The following PCDHGB3 variants were observed in gnomAD, a reference collection of about 807,000 sequenced individuals.
PCDHGB3 encodes protocadherin gamma-B3.
PCDHGB3 carries 40 observed loss-of-function variants against 59.2 expected under a neutral mutation model. The observed-to-expected ratio is 0.68, with a 90% CI of 0.52 to 0.88. PCDHGB3 has a LOEUF of 0.88. Among genes scored for constraint, PCDHGB3 ranks in the 40% least tolerant of loss-of-function variants. The probability of loss-of-function intolerance (pLI) is 0.00; values close to 1 mark genes in which losing one functional copy is unlikely to be tolerated. For synonymous variants in PCDHGB3, 581 were observed against 503.6 expected (o/e 1.15, Z -2.06); for missense variants, 1,309 against 1,187.9 (o/e 1.10, Z -1.50).
chr5:141,473,374 G>A (rs1437989884), intron 1 of PCDHGB3, among the ~76,000 whole-genome samples: 1 of 152,204 alleles, frequency 6.6e-6, no homozygotes, highest in African/African-American at 2.4e-5. Context: ...AAATAGCATG[G>A]TCCCTGCCCT....
chr5:141,399,054 G>T (rs76381401), intron 1 of PCDHGB3: 1 of 1,613,694 alleles, frequency 6.2e-7, no homozygotes, highest in South Asian at 1.1e-5. Context: ...AAGAGACCAA[G>T]GAATATTCAA....
At chr5:141,409,081 A>G (rs1220843821) in intron 1 of PCDHGB3, 3 of 1,613,820 alleles carry the variant, frequency 1.9e-6, no homozygotes, top group Non-Finnish European at 2.5e-6. Context: ...ATATGTTCTC[A>G]TTGGATGAGA....
At position 141,498,794 on chromosome 5, in the gene PCDHGB3, G is replaced by A. The variant is rs184257963; in HGVS notation, c.2474+3929G>A. ...TAAAAATACAAAATATTAGCCAGGT[G>A]TGGTGGTGCACACCTGTAGTCCCAG... On this transcript the variant is annotated intron_variant, in intron 2 of 3. Transcript: ENST00000576222. Among the ~76,000 whole-genome samples the A allele has an allele frequency of 7.9e-5, 12 of 152,224 alleles. No individual in the cohort carries two copies. The East Asian group carries it at 2.3e-3, about 30-fold the overall frequency.
intron 1 of PCDHGB3, chr5:141,393,734 A>G (rs1453820640): frequency 1.9e-6 from 3 of 1,613,888 alleles, no homozygotes; most frequent in East Asian, 2.2e-5. Context: ...CAAAAAGTCT[A>G]GATTATGAAG....
chr5:141,415,739 G>A, intron 1 of PCDHGB3: 4 of 434,948 alleles, frequency 9.2e-6, no homozygotes, highest in Non-Finnish European at 1.3e-5. Context: ...TGTTTATTAA[G>A]GTTTTTTTTT....
chr5:141,385,381 T>C, intron 1 of PCDHGB3: 1 of 1,517,334 alleles, frequency 6.6e-7, no homozygotes, highest in South Asian at 1.3e-5. Context: ...TATTTCTCTA[T>C]TATTTTGCAA....
intron 1 of PCDHGB3, chr5:141,395,106 A>G: frequency 3.1e-6 from 5 of 1,614,150 alleles, no homozygotes; most frequent in Admixed American, 3.3e-5. Flanking sequence ...CGACTCGCGG[A>G]AGAGTCACCT....
chr5:141,478,977 T>G (rs1004184325), intron 1 of PCDHGB3, among the ~76,000 whole-genome samples: 12 of 152,210 alleles, frequency 7.9e-5, no homozygotes, highest in Admixed American at 5.2e-4. Flanking sequence ...TTCAAGTGAT[T>G]GTGACATTTG....
At chr5:141,460,438 T>A (rs1035541143) in intron 1 of PCDHGB3, among the ~76,000 whole-genome samples, 16 of 152,172 alleles carry the variant, frequency 1.1e-4, no homozygotes, top group African/African-American at 3.1e-4. Flanking sequence ...TGGTGTGAGG[T>A]AACAATGAAG....
intron 1 of PCDHGB3, chr5:141,408,864 C>T: frequency 1.2e-6 from 2 of 1,613,638 alleles, no homozygotes; most frequent in Non-Finnish European, 8.5e-7. Context: ...GGGGACCCAC[C>T]AAGAAGTGCC....
Position 141,491,034 on chromosome 5 carries a change from T to G in PCDHGB3, c.2416-3773T>G, listed in dbSNP as rs375902824. 1 of 1,614,170 alleles carries G rather than the reference T, an allele frequency of 6.2e-7. No homozygotes were observed. The highest frequency in any genetic ancestry group is 8.5e-7 in the Non-Finnish European group (1 of 1,180,024). On this transcript the variant is annotated intron_variant, in intron 1 of 3. Coordinates refer to ENST00000576222, the MANE Select transcript of PCDHGB3 (RefSeq NM_018924.5). The surrounding 1 kb of genome is among the most constrained non-coding windows in gnomAD (Gnocchi z 6.9). ...CCAAGGTGACAGCCGTGGATGCTGATGCAGGCCACAATGCGTGGCTCTCCT... is the reference window on the plus strand; with the variant it reads ...CCAAGGTGACAGCCGTGGATGCTGAGGCAGGCCACAATGCGTGGCTCTCCT...
intron 1 of PCDHGB3, among the ~76,000 whole-genome samples, chr5:141,461,711 C>A (rs897443905): frequency 1.3e-5 from 2 of 152,112 alleles, no homozygotes; most frequent in African/African-American, 2.4e-5. Flanking sequence ...ACTTTTTTTG[C>A]CCAGGCTGGA....
intron 1 of PCDHGB3, chr5:141,415,752 T>C: frequency 7.3e-7 from 1 of 1,372,622 alleles, no homozygotes; most frequent in Non-Finnish European, 9.4e-7. Flanking sequence ...TTTTTTTTTT[T>C]TTTTTTTTTT....
At chr5:141,407,316 G>A (rs2094914682) in intron 1 of PCDHGB3, among the ~76,000 whole-genome samples, 1 of 152,094 alleles carries the variant, frequency 6.6e-6, no homozygotes, top group Non-Finnish European at 1.5e-5. Flanking sequence ...TTCATACTTA[G>A]TATTTATAAA....
At chr5:141,460,536 G>T (rs911670681) in intron 1 of PCDHGB3, among the ~76,000 whole-genome samples, 1 of 152,092 alleles carries the variant, frequency 6.6e-6, no homozygotes, top group African/African-American at 2.4e-5. Context: ...AATAATCTTA[G>T]CACCTTAATC....
At chr5:141,438,548 C>T (rs1423036586) in intron 1 of PCDHGB3, among the ~76,000 whole-genome samples, 2 of 135,792 alleles carry the variant, frequency 1.5e-5, no homozygotes, top group Non-Finnish European at 3.1e-5. Context: ...ATATCTAAGC[C>T]CTAATAAGAG....
rs144482292 is a variant in PCDHGB3 at position 141,385,630 on chromosome 5, C to T, written c.2415+12821C>T. 4.8e-3 allele frequency: 4,617 copies of T among 957,834 alleles called. 22 individuals are homozygous for T. The highest frequency in any genetic ancestry group is 0.011 in the Admixed American group (240 of 22,730). The allele number at this position is 957,834 out of a possible 1,614,324, so 59.3% of individuals were successfully genotyped here. ...ATATATTTTATACATTGGAATGAAT[C>T]GAGTCTTTCATATTGCACAAGGTTA... is the stretch of plus-strand genomic sequence containing the variant. On this transcript the variant is annotated intron_variant, in intron 1 of 3. Coordinates refer to ENST00000576222, the MANE Select transcript of PCDHGB3 (RefSeq NM_018924.5).
rs13436436 is a variant in PCDHGB3 at position 141,494,301 on chromosome 5, G to C, written c.2416-506G>C. Among the ~76,000 whole-genome samples, 1,119 of 152,302 alleles carry C rather than the reference G, an allele frequency of 7.3e-3. 11 individuals carry two copies. The highest frequency in any genetic ancestry group is 0.026 in the African/African-American group (1,077 of 41,560). Reference sequence around the variant, plus strand: ...CCAGAGAAGATGTCCCTGTGAATGTGTCACTGCACAACCTGGCACCAAAAG... The same window carrying C: ...CCAGAGAAGATGTCCCTGTGAATGTCTCACTGCACAACCTGGCACCAAAAG... On this transcript the variant is annotated intron_variant, in intron 1 of 3. Coordinates refer to ENST00000576222, the MANE Select transcript of PCDHGB3 (RefSeq NM_018924.5).
intron 1 of PCDHGB3, chr5:141,408,637 T>C (rs766685548): frequency 4.3e-6 from 7 of 1,614,044 alleles, no homozygotes; most frequent in Non-Finnish European, 5.9e-6. Context: ...TTTTCGAATC[T>C]GCATCCGCTG....
Sources: allele counts gnomAD v4.1 joint callset (sites outside exome capture counted in the v4.1 genomes callset), GRCh38; gene constraint gnomAD v4.1.1; non-coding constraint Gnocchi (gnomAD v3.1); transcripts MANE v1.5; gene names NCBI Gene and HGNC (gene_info 2026-07-23, HGNC 2026-07-21).